The following TOR2A variants were observed in gnomAD, a reference collection of about 807,000 sequenced individuals.
TOR2A encodes prosalusin.
A neutral mutation model predicts 28.6 loss-of-function variants in TOR2A; 24 were observed. The ratio of observed to expected loss-of-function variants is 0.84; its 90% CI spans 0.61 to 1.18. The LOEUF (loss-of-function observed/expected upper bound fraction) is 1.18, where lower values mean the gene tolerates loss of function less well. TOR2A is among the 50% of genes most tolerant of loss of function. TOR2A has a pLI of 0.00. For missense variants in TOR2A, 426 were observed against 448.1 expected (o/e 0.95, Z 0.45); for synonymous variants, 203 against 203.1 (o/e 1.00, Z 0.00).
chr9:127,731,636 C>A lies in TOR2A; in HGVS notation c.*398G>T. On this transcript the variant is annotated 3_prime_UTR_variant, in exon 5 of 5. Coordinates refer to ENST00000373284, the MANE Select transcript of TOR2A (RefSeq NM_001085347.3). ...CCTCCATTTCTGGAAACTGAGAAGG[C>A]TCCACCTGGCTTGATATGGACACAG... is the stretch of plus-strand genomic sequence containing the variant. 9.7e-7 allele frequency: 1 copy of A among 1,033,006 alleles called. No individual in the cohort carries two copies. The highest frequency in any genetic ancestry group is 1.3e-6 in the Non-Finnish European group (1 of 745,804). 64.0% of individuals were successfully genotyped at this position (1,033,006 alleles called of 1,614,324 possible). A position where few individuals can be genotyped will look rare whatever the true frequency, so the allele number is the denominator to read the frequency against.
intron 1 of TOR2A, 131 bp from the exon 2 acceptor site, chr9:127,734,695 C>A: frequency 8.9e-7 from 1 of 1,128,456 alleles, no homozygotes; most frequent in Non-Finnish European, 1.2e-6. Flanking sequence ...ACATGGCACG[C>A]AAACCTTGGG....
rs538263221 is a variant in TOR2A at position 127,732,007 on chromosome 9, G to C, written c.*27C>G. The C allele has an allele frequency of 2.2e-4, 348 of 1,599,050 alleles. 4 individuals are homozygous for C. The South Asian group carries it at 3.5e-3, about 16-fold the overall frequency. On this transcript the variant is annotated 3_prime_UTR_variant, in exon 5 of 5. Transcript: ENST00000373284. ...CCTTTCCTGCATGGCCTGGCCATCA[G>C]GGGGGCCGAGGACACCACTCAGAGA... is the stretch of plus-strand genomic sequence containing the variant.
chr9:127,732,210 G>A lies in TOR2A; in HGVS notation c.790C>T (p.Gln264Ter), dbSNP rs1183523997. The change falls in exon 5 of 5, where the codon CAG becomes TAG. Residue 264 changes from glutamine to a stop codon, truncating the protein, a stop_gained. Transcript: ENST00000373284. LOFTEE classifies it high-confidence loss of function. The part of the protein sequence containing the change: ...LDAVVPFLPL[Q>*]RHHVRHCVLN... ...ACGCAGTGCCGGACGTGGTGCCGCT[G>A]GAGCGGGAGGAAGGGCACCACTGCG... 2 of 1,611,434 alleles carry A rather than the reference G, an allele frequency of 1.2e-6. No homozygotes were observed. Among genetic ancestry groups the A allele is most frequent in the Non-Finnish European group, 1.7e-6 (2 of 1,178,694 alleles).
rs764829685 is a variant in TOR2A at position 127,734,357 on chromosome 9, A to C, written c.359T>G (p.Val120Gly). Reference sequence around the variant, plus strand: ...GTGGAGGACGGGAGAAAAGTGGTGCACGCGGGGGCTGCGGAGGCCGCCCTG... The same window carrying C: ...GTGGAGGACGGGAGAAAAGTGGTGCCCGCGGGGGCTGCGGAGGCCGCCCTG... ...LFQGGLRSPR[V>G]HHFSPVLHFP... Residue 120 changes from valine to glycine, a missense_variant, in exon 2 of 5, where the codon GTG becomes GGG. Physicochemically the swap from Val to Gly is moderately radical, Grantham distance 109. Coordinates refer to ENST00000373284, the MANE Select transcript of TOR2A (RefSeq NM_001085347.3). The C allele has an allele frequency of 6.2e-7, 1 of 1,611,216 alleles. No individual in the cohort carries two copies.
rs138472191 is a variant in TOR2A, at chr9:127,732,005, CA to C, written c.*28del. ...GGCCTTTCCTGCATGGCCTGGCCAT[CA>C]GGGGGGCCGAGGACACCACTCAGAG... On this transcript the variant is annotated 3_prime_UTR_variant, in exon 5 of 5. Coordinates refer to ENST00000373284, the MANE Select transcript of TOR2A (RefSeq NM_001085347.3). 2.3e-3 allele frequency: 3,605 copies of C among 1,598,724 alleles called. 70 individuals are homozygous for C. In the East Asian group the frequency reaches 0.048, roughly 21 times the overall value.
Position 127,732,556 on chromosome 9 carries a change from A to C in TOR2A, c.721+8T>G, listed in dbSNP as rs1844487067. The C allele has an allele frequency of 1.9e-6, 3 of 1,579,278 alleles. No individual in the cohort carries two copies. The highest frequency in any genetic ancestry group is 2.6e-6 in the Non-Finnish European group (3 of 1,164,922). ...CTGCCCGGGAGGGGGCTGCTGAGCC[A>C]GACTCACGGTGCGGGTTGTCCAGCA... is the stretch of plus-strand genomic sequence containing the variant. On this transcript the variant is annotated splice_region_variant and intron_variant, in intron 4 of 4. Transcript: ENST00000373284.
At chr9:127,732,857 A>T (rs1844511337) in intron 3 of TOR2A, 166 bp from the exon 4 acceptor site, 1 of 1,430,708 alleles carries the variant, frequency 7.0e-7, no homozygotes, top group African/African-American at 1.4e-5. Context: ...GTCCACATCC[A>T]TGGCCCCTGT....
chr9:127,733,293 C>A (rs775477490), intron 3 of TOR2A, 92 bp downstream of exon 3: 1 of 1,613,294 alleles, frequency 6.2e-7, no homozygotes, highest in South Asian at 1.1e-5. Context: ...CCATGGGGAA[C>A]TGGATTCTGC....
chr9:127,734,738 G>C, intron 1 of TOR2A, 174 bp from the exon 2 acceptor site: 1 of 762,212 alleles, frequency 1.3e-6, no homozygotes, highest in South Asian at 3.3e-5. Context: ...CTTCGGGCCT[G>C]ATTCAGCTCG....
chr9:127,732,496 C>G, intron 4 of TOR2A, 68 bp downstream of exon 4: 1 of 1,496,600 alleles, frequency 6.7e-7, no homozygotes, highest in Middle Eastern at 2.0e-4. Context: ...AGCATGAGAC[C>G]CCGGGAGAGC....
chr9:127,733,062 G>A (rs1014977164), intron 3 of TOR2A: 9 of 1,439,714 alleles, frequency 6.3e-6, no homozygotes, highest in African/African-American at 1.4e-5. Flanking sequence ...TGAGAGCTGG[G>A]ACTAAAGGAC....
intron 3 of TOR2A, 100 bp downstream of exon 3, chr9:127,733,285 A>G: frequency 6.2e-7 from 1 of 1,613,266 alleles, no homozygotes; most frequent in Non-Finnish European, 8.5e-7. Flanking sequence ...AGCTAAGCCC[A>G]TGGGGAACTG....
chr9:127,732,994 A>G, intron 3 of TOR2A: 1 of 1,384,496 alleles, frequency 7.2e-7, no homozygotes, highest in Non-Finnish European at 9.4e-7. Flanking sequence ...GTTCAGAAGC[A>G]GAGACAGAGG....
In TOR2A at chr9:127,732,583, C is replaced by T. The variant is rs367759175; in HGVS notation, c.702G>A (p.Ala234=). ...LQELEPVISR[A]VLDNPHHGFS... is the part of the protein sequence containing the mutation. ...ACTCACGGTGCGGGTTGTCCAGCAC[C>T]GCGCGGGAGATGACCGGCTCCAGCT... The change falls in exon 4 of 5, where the codon GCG becomes GCA. Residue 234 remains alanine, a synonymous_variant. Transcript: ENST00000373284. The T allele has an allele frequency of 1.8e-5, 28 of 1,590,656 alleles. No individual in the cohort carries two copies. The highest frequency in any genetic ancestry group is 1.0e-4 in the South Asian group (9 of 87,806).
intron 2 of TOR2A, 108 bp from the exon 3 acceptor site, chr9:127,733,668 CA>C: frequency 1.0e-6 from 1 of 1,001,686 alleles, no homozygotes; most frequent in East Asian, 2.6e-5. Flanking sequence ...TGTGGTCTTC[CA>C]GAGAGCACCA....
chr9:127,732,586 G>C lies in TOR2A; in HGVS notation c.699C>G (p.Arg233=), dbSNP rs563260865. The change falls in exon 4 of 5, where the codon CGC becomes CGG. Residue 233 remains arginine, a synonymous_variant. Coordinates refer to ENST00000373284, the MANE Select transcript of TOR2A (RefSeq NM_001085347.3). The part of the protein sequence containing the change: ...LLQELEPVIS[R]AVLDNPHHGF... Reference sequence around the variant, plus strand: ...CACGGTGCGGGTTGTCCAGCACCGCGCGGGAGATGACCGGCTCCAGCTCCT... The same window carrying C: ...CACGGTGCGGGTTGTCCAGCACCGCCCGGGAGATGACCGGCTCCAGCTCCT... 22 of 1,591,108 alleles carry C rather than the reference G, an allele frequency of 1.4e-5. No individual in the cohort carries two copies. The African/African-American group carries it at 2.0e-4, about 15-fold the overall frequency.
intron 2 of TOR2A, 175 bp from the exon 3 acceptor site, chr9:127,733,735 C>G: frequency 1.5e-6 from 1 of 647,200 alleles, no homozygotes; most frequent in South Asian, 2.0e-5. Context: ...AGAGACTTGC[C>G]CAAAGTCACA....
Position 127,734,303 on chromosome 9 carries a change from T to C in TOR2A, c.413A>G (p.Tyr138Cys), listed in dbSNP as rs776691177. The change falls in exon 2 of 5, where the codon TAC becomes TGC. Residue 138 changes from tyrosine (Y) to cysteine (C), a missense_variant. Transcript: ENST00000373284. ...TCAAGGACGCATCCAGCCTACCTTG[T>C]AGCGCTCGATGTGGCTGGGGTGGGG... ...HFPHPSHIER[Y>C]KKDLKSWVQG... The C allele has an allele frequency of 5.0e-6, 8 of 1,591,622 alleles. No individual in the cohort carries two copies. The highest frequency in any genetic ancestry group is 2.2e-5 in the East Asian group (1 of 44,594).
intron 3 of TOR2A, chr9:127,733,010 A>C (rs1588475089): frequency 7.2e-7 from 1 of 1,384,294 alleles, no homozygotes; most frequent in East Asian, 2.5e-5. Flanking sequence ...AGAGGCTCAG[A>C]GAGGCGGAGC....
Sources: gnomAD v4.1 joint callset for allele counts on GRCh38, gnomAD v4.1.1 for gene constraint, MANE v1.5 for transcripts, NCBI Gene and HGNC (gene_info 2026-07-23, HGNC 2026-07-21) for gene names.